KCNN2: variants seen among roughly 807,000 people sequenced by gnomAD.
The protein encoded by KCNN2 is potassium calcium-activated channel subfamily N member 2.
KCNN2 carries 24 observed loss-of-function variants against 55.5 expected under a neutral mutation model. The ratio of observed to expected loss-of-function variants is 0.43; its 90% CI spans 0.31 to 0.61. The LOEUF is 0.61. Ranked by LOEUF, KCNN2 falls within the 20% of genes least tolerant of loss-of-function variation. KCNN2 has a pLI of 0.08. For missense variants in KCNN2, 754 were observed against 853.6 expected (o/e 0.88, Z 1.45); for synonymous variants, 431 against 336.1 (o/e 1.28, Z -3.09).
intron 1 of KCNN2, among the ~76,000 whole-genome samples, chr5:114,112,858 C>T (rs979778023): frequency 6.6e-6 from 1 of 152,058 alleles, no homozygotes; most frequent in African/African-American, 2.4e-5. Context: ...TATGTTTCTA[C>T]ATGCTAATGG....
At chr5:114,328,811 T>C (rs1358770536) in intron 2 of KCNN2, among the ~76,000 whole-genome samples, 3 of 152,162 alleles carry the variant, frequency 2.0e-5, no homozygotes, top group Non-Finnish European at 4.4e-5. Flanking sequence ...GAACCAGGGG[T>C]CACTTTCAGA....
intron 1 of KCNN2, among the ~76,000 whole-genome samples, chr5:114,213,475 G>C (rs1753932487): frequency 6.6e-6 from 1 of 150,816 alleles, no homozygotes; most frequent in Non-Finnish European, 1.5e-5. Context: ...TCAAGAAAGA[G>C]TTTATGAGTG....
intron 2 of KCNN2, among the ~76,000 whole-genome samples, chr5:114,293,079 T>C (rs367723394): frequency 6.6e-6 from 1 of 152,120 alleles, no homozygotes; most frequent in African/African-American, 2.4e-5. Context: ...TATCAGCTTA[T>C]GGAGATTTTG....
At chr5:114,484,022 T>A (rs1036131113) in intron 5 of KCNN2, among the ~76,000 whole-genome samples, 1 of 152,180 alleles carries the variant, frequency 6.6e-6, no homozygotes, top group Admixed American at 6.5e-5. Context: ...TATATGAATC[T>A]GTATACCCTT....
At chr5:114,445,346 C>G (rs1219309301) in intron 3 of KCNN2, among the ~76,000 whole-genome samples, 2 of 152,142 alleles carry the variant, frequency 1.3e-5, no homozygotes, top group African/African-American at 4.8e-5. Context: ...CATGAGATCC[C>G]TTTTCAATTG....
chr5:114,332,350 G>T (rs1264179859), intron 2 of KCNN2, among the ~76,000 whole-genome samples: 2 of 152,150 alleles, frequency 1.3e-5, no homozygotes, highest in Admixed American at 6.5e-5. Flanking sequence ...AGACAAAAGA[G>T]AACTCCCCTC....
chr5:114,239,361 C>T (rs1754573179), intron 2 of KCNN2, among the ~76,000 whole-genome samples: 1 of 152,072 alleles, frequency 6.6e-6, no homozygotes, highest in Non-Finnish European at 1.5e-5. Flanking sequence ...GAATAGAGGA[C>T]AGAGAGGAGA....
chr5:114,375,912 C>G (rs1217767415), intron 2 of KCNN2, among the ~76,000 whole-genome samples: 3 of 137,286 alleles, frequency 2.2e-5, no homozygotes, highest in South Asian at 4.8e-4. Context: ...TTCACTGGCT[C>G]TTGTGGAGTT....
intron 3 of KCNN2, among the ~76,000 whole-genome samples, chr5:114,456,826 A>G (rs1222134589): frequency 6.6e-6 from 1 of 152,226 alleles, no homozygotes; most frequent in Non-Finnish European, 1.5e-5. Context: ...AAATATTAAT[A>G]GAAGTAGAGC....
At chr5:114,360,738 G>A (rs1022094390), upstream of KCNN2, among the ~76,000 whole-genome samples, 3 of 152,058 alleles carry the variant, frequency 2.0e-5, no homozygotes, top group Non-Finnish European at 2.9e-5. Context: ...TAATGATACC[G>A]AACTCCAACA....
At chr5:114,403,780 A>C (rs1324491728) in intron 2 of KCNN2, among the ~76,000 whole-genome samples, 1 of 152,208 alleles carries the variant, frequency 6.6e-6, no homozygotes, top group African/African-American at 2.4e-5. Flanking sequence ...GAATGACAGA[A>C]ACAGGAGGAA....
intron 2 of KCNN2, among the ~76,000 whole-genome samples, chr5:114,265,826 G>A (rs1755198799): frequency 6.6e-6 from 1 of 152,082 alleles, no homozygotes; most frequent in Admixed American, 6.6e-5. Context: ...AGGGAACACT[G>A]GTGTTTGTTG....
At chr5:114,077,522 C>CT (rs1750707574) in intron 1 of KCNN2, among the ~76,000 whole-genome samples, 1 of 152,198 alleles carries the variant, frequency 6.6e-6, no homozygotes, top group Non-Finnish European at 1.5e-5. Context: ...GGACACTGCC[C>CT]TGGGTCTTGA....
chr5:114,271,549 G>A (rs1755336186), intron 2 of KCNN2, among the ~76,000 whole-genome samples: 1 of 152,156 alleles, frequency 6.6e-6, no homozygotes, highest in Non-Finnish European at 1.5e-5. Context: ...TAAATAATGA[G>A]AGTGATTTCA....
intron 1 of KCNN2, among the ~76,000 whole-genome samples, chr5:114,147,233 T>C (rs1274021221): frequency 6.6e-6 from 1 of 152,168 alleles, no homozygotes; most frequent in Admixed American, 6.6e-5. Context: ...AAGTGTTTCG[T>C]AGACATTGAA....
intron 3 of KCNN2, among the ~76,000 whole-genome samples, chr5:114,450,217 A>G (rs1370088540): frequency 2.6e-5 from 4 of 152,236 alleles, no homozygotes; most frequent in South Asian, 2.1e-4. Flanking sequence ...TTTCTCTGCT[A>G]TCAGCAGAGC....
intron 1 of KCNN2, among the ~76,000 whole-genome samples, chr5:114,169,762 A>C (rs1752994183): frequency 1.3e-5 from 2 of 152,086 alleles, no homozygotes; most frequent in Admixed American, 1.3e-4. Context: ...CCTATTCTGG[A>C]AACAGTTGGG....
chr5:114,405,019 T>C (rs940297931), intron 3 of KCNN2, among the ~76,000 whole-genome samples, 163 bp downstream of exon 3: 2 of 152,204 alleles, frequency 1.3e-5, no homozygotes, highest in Admixed American at 1.3e-4. Context: ...TTTCTGAAGA[T>C]TTTTTCGTAG....
At chr5:114,136,264 A>G (rs763444339) in intron 1 of KCNN2, among the ~76,000 whole-genome samples, 1 of 152,140 alleles carries the variant, frequency 6.6e-6, no homozygotes, top group Admixed American at 6.5e-5. Context: ...GGGTTGCTAT[A>G]TCTTGAGAGT....
Sources: allele counts gnomAD v4.1 joint callset (sites outside exome capture counted in the v4.1 genomes callset), GRCh38; gene constraint gnomAD v4.1.1; transcripts MANE v1.5; gene names NCBI Gene and HGNC (gene_info 2026-07-23, HGNC 2026-07-21).